Variants in OR5AS1 observed in about 807,000 individuals in gnomAD.
OR5AS1 encodes olfactory receptor family 5 subfamily AS member 1, also known as olfactory receptor 5AS1.
For missense variants in OR5AS1, 492 were observed against 378.2 expected (o/e 1.30, Z -2.50); for synonymous variants, 196 against 141.7 (o/e 1.38, Z -2.72).
At position 56,033,721 on chromosome 11, in the gene OR5AS1, T is replaced by A. The variant is rs1461748790; in HGVS notation, c.*2328T>A. On this transcript the variant is annotated 3_prime_UTR_variant, in exon 2 of 2. Transcript: ENST00000641320. Reference sequence around the variant, plus strand: ...CAGCTTCAGCAGATTTAAATGTCCCTGCCTGCTGGCTCTAAGGAGAGCAGC... The same window carrying A: ...CAGCTTCAGCAGATTTAAATGTCCCAGCCTGCTGGCTCTAAGGAGAGCAGC... 1 of 152,292 alleles carries A rather than the reference T, an allele frequency of 6.6e-6. No homozygotes were observed. Among genetic ancestry groups the A allele is most frequent in the African/African-American group, 2.4e-5 (1 of 41,402 alleles). The allele number at this position is 152,292 out of a possible 1,614,324, so 9.4% of individuals were successfully genotyped here.
chr11:56,028,402 C>G (rs1290522891), intron 1 of OR5AS1, among the ~76,000 whole-genome samples: 1 of 152,006 alleles, frequency 6.6e-6, no homozygotes, highest in African/African-American at 2.4e-5. Flanking sequence ...ACTTCAAATC[C>G]TGTGTGCTTA....
chr11:56,031,745 CTGTTTG>C lies in OR5AS1; in HGVS notation c.*353_*358del. Reference sequence around the variant, plus strand: ...TATATTGGCTTGTTTTTTCCACCACCTGTTTGGCACCTGGTATACTGCATGTCTTCC... The same window carrying C: ...TATATTGGCTTGTTTTTTCCACCACCGCACCTGGTATACTGCATGTCTTCC... On this transcript the variant is annotated 3_prime_UTR_variant, in exon 2 of 2. Transcript: ENST00000641320. The C allele has an allele frequency of 1.8e-5, 3 of 170,962 alleles. No homozygotes were observed. The highest frequency in any genetic ancestry group is 1.5e-4 in the South Asian group (1 of 6,884). 10.6% of individuals were successfully genotyped at this position (170,962 alleles called of 1,614,324 possible).
At position 56,031,025 on chromosome 11, in the gene OR5AS1, T is replaced by C. The variant is rs558496934; in HGVS notation, c.607T>C (p.Cys203Arg). 6.2e-7 allele frequency: 1 copy of C among 1,614,174 alleles called. No homozygotes were observed. Among genetic ancestry groups the C allele is most frequent in the Admixed American group, 1.7e-5 (1 of 60,030 alleles). Residue 203 changes from cysteine to arginine, a missense_variant, in exon 2 of 2, where the codon TGC (cysteine) becomes CGC (arginine). Cys to Arg is a radical substitution (Grantham distance 180). Coordinates refer to ENST00000641320, the MANE Select transcript of OR5AS1 (RefSeq NM_001001921.2). ...QINQLLLFAL[C>R]SFIQTSTFVV... ...CAACCAGCTTCTGCTCTTTGCTTTG[T>C]GCAGCTTCATCCAGACCAGCACTTT...
Position 56,031,024 on chromosome 11 carries a change from G to T in OR5AS1, c.606G>T (p.Leu202Phe). Residue 202 changes from leucine to phenylalanine, a missense_variant, in exon 2 of 2, where the codon TTG becomes TTT. Leu to Phe is a conservative substitution (Grantham distance 22). Coordinates refer to ENST00000641320, the MANE Select transcript of OR5AS1 (RefSeq NM_001001921.2). ...TCAACCAGCTTCTGCTCTTTGCTTT[G>T]TGCAGCTTCATCCAGACCAGCACTT... The part of the protein sequence containing the change: ...TQINQLLLFA[L>F]CSFIQTSTFV... 1 of 1,614,054 alleles carries T rather than the reference G, an allele frequency of 6.2e-7. No individual in the cohort carries two copies. Among genetic ancestry groups the T allele is most frequent in the Non-Finnish European group, 8.5e-7 (1 of 1,180,022 alleles).
In OR5AS1 at chr11:56,034,478, T is replaced by C. The variant is rs1398981034; in HGVS notation, c.*3085T>C. On this transcript the variant is annotated 3_prime_UTR_variant, in exon 2 of 2. Coordinates refer to ENST00000641320, the MANE Select transcript of OR5AS1 (RefSeq NM_001001921.2). ...TTCATGAAGCATACACAAGCATCAA[T>C]AGCCAAATCGATCAAACAGAAGGAA... The C allele has an allele frequency of 1.3e-5, 2 of 151,700 alleles. No individual in the cohort carries two copies. The highest frequency in any genetic ancestry group is 4.9e-5 in the African/African-American group (2 of 41,192). 9.4% of individuals were successfully genotyped at this position (151,700 alleles called of 1,614,324 possible). A position where few individuals can be genotyped will look rare whatever the true frequency, so the allele number is the denominator to read the frequency against.
At position 56,036,177 on chromosome 11, in the gene OR5AS1, G is replaced by A. The variant is rs904839567; in HGVS notation, c.*4784G>A. 2 of 152,064 alleles carry A rather than the reference G, an allele frequency of 1.3e-5. No individual in the cohort carries two copies. Among genetic ancestry groups the A allele is most frequent in the African/African-American group, 4.8e-5 (2 of 41,380 alleles). The allele number at this position is 152,064 out of a possible 1,614,324, so 9.4% of individuals were successfully genotyped here. On this transcript the variant is annotated 3_prime_UTR_variant, in exon 2 of 2. Transcript: ENST00000641320. ...CAGTACTAAAGGCCCACAAGAGAAA[G>A]CAGGAAAGATCTAAAATCAACACCC...
chr11:56,033,967 GC>G lies in OR5AS1; in HGVS notation c.*2575del, dbSNP rs1187904425. On this transcript the variant is annotated 3_prime_UTR_variant, in exon 2 of 2. Transcript: ENST00000641320. ...CTTTACTGTTCTGCAGCCTTCGCAG[GC>G]AAACAGGGTCTGGAGTGGATCTCCA... 1 of 152,286 alleles carries G rather than the reference GC, an allele frequency of 6.6e-6. No homozygotes were observed. Among genetic ancestry groups the G allele is most frequent in the Non-Finnish European group, 1.5e-5 (1 of 68,216 alleles). The allele number at this position is 152,286 out of a possible 1,614,324, so 9.4% of individuals were successfully genotyped here.
In OR5AS1 at chr11:56,031,514, T is replaced by C. The variant is rs1357618910; in HGVS notation, c.*121T>C. ...TGTTATACTCAGTGCATTAAAATGC[T>C]TCATCCTCTCTTCCAAAAATGTTCT... On this transcript the variant is annotated 3_prime_UTR_variant, in exon 2 of 2. Coordinates refer to ENST00000641320, the MANE Select transcript of OR5AS1 (RefSeq NM_001001921.2). The C allele has an allele frequency of 7.1e-6, 5 of 709,038 alleles. No individual in the cohort carries two copies. The highest frequency in any genetic ancestry group is 1.1e-5 in the Non-Finnish European group (5 of 435,984). The allele number at this position is 709,038 out of a possible 1,614,324, so 43.9% of individuals were successfully genotyped here.
rs945183241 is a variant in OR5AS1 at position 56,032,824 on chromosome 11, G to A, written c.*1431G>A. 11 of 152,064 alleles carry A rather than the reference G, an allele frequency of 7.2e-5. No individual in the cohort carries two copies. Among genetic ancestry groups the A allele is most frequent in the Admixed American group, 5.9e-4 (9 of 15,268 alleles). The allele number at this position is 152,064 out of a possible 1,614,324, so 9.4% of individuals were successfully genotyped here. Reference sequence around the variant, plus strand: ...CTCAGTGCATATCATAGTTATGTTTGGTGGCTGGCAAGATGGTCAAATAGG... The same window carrying A: ...CTCAGTGCATATCATAGTTATGTTTAGTGGCTGGCAAGATGGTCAAATAGG... On this transcript the variant is annotated 3_prime_UTR_variant, in exon 2 of 2. Coordinates refer to ENST00000641320, the MANE Select transcript of OR5AS1 (RefSeq NM_001001921.2).
chr11:56,033,707 G>A lies in OR5AS1; in HGVS notation c.*2314G>A, dbSNP rs1853375123. The A allele has an allele frequency of 6.6e-6, 1 of 152,276 alleles. No individual in the cohort carries two copies. The highest frequency in any genetic ancestry group is 1.5e-5 in the Non-Finnish European group (1 of 68,160). The allele number at this position is 152,276 out of a possible 1,614,324, so 9.4% of individuals were successfully genotyped here. On this transcript the variant is annotated 3_prime_UTR_variant, in exon 2 of 2. Coordinates refer to ENST00000641320, the MANE Select transcript of OR5AS1 (RefSeq NM_001001921.2). The stretch of plus-strand genomic sequence containing the variant: ...GATGGCTGTGGGTGCAGCTTCAGCA[G>A]ATTTAAATGTCCCTGCCTGCTGGCT...
Position 56,034,518 on chromosome 11 carries a change from G to A in OR5AS1, c.*3125G>A, listed in dbSNP as rs1337862831. On this transcript the variant is annotated 3_prime_UTR_variant, in exon 2 of 2. Coordinates refer to ENST00000641320, the MANE Select transcript of OR5AS1 (RefSeq NM_001001921.2). ...AACAGAAGGAAGGATATCAGAGATT[G>A]AAGATCAACTTAATGAAATAAAGCT... is the stretch of plus-strand genomic sequence containing the variant. The A allele has an allele frequency of 6.6e-6, 1 of 152,030 alleles. No homozygotes were observed. The highest frequency in any genetic ancestry group is 1.5e-5 in the Non-Finnish European group (1 of 68,020). The allele number at this position is 152,030 out of a possible 1,614,324, so 9.4% of individuals were successfully genotyped here.
chr11:56,031,268 A>G lies in OR5AS1; in HGVS notation c.850A>G (p.Met284Val), dbSNP rs772464533. Reference protein sequence around the residue: ...VAVFYTVVFPMFNPIIYSFRN... With the variant: ...VAVFYTVVFPVFNPIIYSFRN... The stretch of plus-strand genomic sequence containing the variant: ...AGTGTTTTATACTGTTGTATTTCCC[A>G]TGTTTAATCCAATAATTTATAGTTT... Residue 284 changes from methionine (M) to valine (V), a missense_variant, in exon 2 of 2, where the codon ATG (methionine) becomes GTG (valine). Physicochemically the swap from Met to Val is conservative, Grantham distance 21 (BLOSUM62 1). Transcript: ENST00000641320. The G allele has an allele frequency of 1.2e-6, 2 of 1,613,360 alleles. No individual in the cohort carries two copies. Among genetic ancestry groups the G allele is most frequent in the Non-Finnish European group, 1.7e-6 (2 of 1,179,720 alleles).
chr11:56,037,197 C>A lies in OR5AS1; in HGVS notation c.*5804C>A, dbSNP rs538002386. On this transcript the variant is annotated 3_prime_UTR_variant, in exon 2 of 2. Coordinates refer to ENST00000641320, the MANE Select transcript of OR5AS1 (RefSeq NM_001001921.2). ...AACTGGACGCATTCCCTTTGAAAACCGGCACAAAACAATGATGCCCTCTCT... is the reference window on the plus strand; with the variant it reads ...AACTGGACGCATTCCCTTTGAAAACAGGCACAAAACAATGATGCCCTCTCT... The A allele has an allele frequency of 6.6e-6, 1 of 151,982 alleles. No individual in the cohort carries two copies. The highest frequency in any genetic ancestry group is 1.5e-5 in the Non-Finnish European group (1 of 68,002). 9.4% of individuals were successfully genotyped at this position (151,982 alleles called of 1,614,324 possible).
At chr11:56,029,663 CA>C (rs1322823637) in intron 1 of OR5AS1, among the ~76,000 whole-genome samples, 6 of 151,806 alleles carry the variant, frequency 4.0e-5, no homozygotes, top group African/African-American at 1.2e-4. Flanking sequence ...AACCCCAAAA[CA>C]ATCAAAATGG....
chr11:56,036,918 C>T lies in OR5AS1; in HGVS notation c.*5525C>T, dbSNP rs1209170914. ...AGCGGCACATCAAAAAGCTTATCCACCAATCAAATTGGCTTTATCCCTGGG... is the reference window on the plus strand; with the variant it reads ...AGCGGCACATCAAAAAGCTTATCCATCAATCAAATTGGCTTTATCCCTGGG... On this transcript the variant is annotated 3_prime_UTR_variant, in exon 2 of 2. Transcript: ENST00000641320. 1.3e-5 allele frequency: 2 copies of T among 152,106 alleles called. No homozygotes were observed. Among genetic ancestry groups the T allele is most frequent in the Middle Eastern group, 3.4e-3 (1 of 294 alleles). The allele number at this position is 152,106 out of a possible 1,614,324, so 9.4% of individuals were successfully genotyped here. A position where few individuals can be genotyped will look rare whatever the true frequency, so the allele number is the denominator to read the frequency against.
rs1432705232 is a variant in OR5AS1, at chr11:56,033,957, GC to G, written c.*2566del. 1 of 152,276 alleles carries G rather than the reference GC, an allele frequency of 6.6e-6. No homozygotes were observed. The highest frequency in any genetic ancestry group is 1.5e-5 in the Non-Finnish European group (1 of 68,194). 9.4% of individuals were successfully genotyped at this position (152,276 alleles called of 1,614,324 possible). On this transcript the variant is annotated 3_prime_UTR_variant, in exon 2 of 2. Coordinates refer to ENST00000641320, the MANE Select transcript of OR5AS1 (RefSeq NM_001001921.2). ...GGGCAGCAATCTTTACTGTTCTGCA[GC>G]CTTCGCAGGCAAACAGGGTCTGGAG... is the stretch of plus-strand genomic sequence containing the variant.
chr11:56,031,384 C>T lies in OR5AS1; in HGVS notation c.966C>T (p.Val322=), dbSNP rs773549227. ...NEWYLNRLRI[V]NI ...GGTATTTAAATCGTTTAAGAATAGT[C>T]AATATCTAACTTACCCTTCCAATCT... The change falls in exon 2 of 2, where the codon GTC becomes GTT. Residue 322 remains valine, a synonymous_variant. Transcript: ENST00000641320. 2 of 1,508,478 alleles carry T rather than the reference C, an allele frequency of 1.3e-6. No individual in the cohort carries two copies. The highest frequency in any genetic ancestry group is 4.0e-5 in the Admixed American group (2 of 50,398). 93.4% of individuals were successfully genotyped at this position (1,508,478 alleles called of 1,614,324 possible). A position where few individuals can be genotyped will look rare whatever the true frequency, so the allele number is the denominator to read the frequency against.
intron 1 of OR5AS1, among the ~76,000 whole-genome samples, chr11:56,029,848 G>A (rs1008473263): frequency 1.3e-5 from 2 of 151,946 alleles, no homozygotes; most frequent in South Asian, 2.1e-4. Flanking sequence ...ACAGTAAATA[G>A]CAAAGCCAAG....
Position 56,031,737 on chromosome 11 carries a change from T to TAATGATACGG in OR5AS1, c.*344_*345insAATGATACGG. ...AGCATGTGTATATTGGCTTGTTTTTTCCACCACCTGTTTGGCACCTGGTAT... is the reference window on the plus strand; with the variant it reads ...AGCATGTGTATATTGGCTTGTTTTTTAATGATACGGCCACCACCTGTTTGGCACCTGGTAT... On this transcript the variant is annotated 3_prime_UTR_variant, in exon 2 of 2. Transcript: ENST00000641320. 5.8e-6 allele frequency: 1 copy of TAATGATACGG among 172,250 alleles called. No individual in the cohort carries two copies. Among genetic ancestry groups the TAATGATACGG allele is most frequent in the Admixed American group, 5.6e-5 (1 of 17,992 alleles). The allele number at this position is 172,250 out of a possible 1,614,324, so 10.7% of individuals were successfully genotyped here. A position where few individuals can be genotyped will look rare whatever the true frequency, so the allele number is the denominator to read the frequency against.
Sources: gnomAD v4.1 joint callset for allele counts (sites outside exome capture counted in the v4.1 genomes callset) on GRCh38, gnomAD v4.1.1 for gene constraint, MANE v1.5 for transcripts, NCBI Gene and HGNC (gene_info 2026-07-23, HGNC 2026-07-21) for gene names.